CFAP90: variants seen among roughly 807,000 people sequenced by gnomAD.
CFAP90 encodes the protein cilia and flagella associated protein 90, also known as cilia- and flagella-associated protein 90.
At chr5:7,836,732 C>T in the CFAP90 span, among the ~76,000 whole-genome samples, 4 of 152,172 alleles carry the variant, frequency 2.6e-5, no homozygotes, top group African/African-American at 9.7e-5. Flanking sequence ...CTTCCCATGA[C>T]ATGAATGCAG....
chr5:7,850,190 G>A, the CFAP90 span, among the ~76,000 whole-genome samples: 1 of 152,096 alleles, frequency 6.6e-6, no homozygotes, highest in Admixed American at 6.5e-5. Context: ...GTAGTCGCCT[G>A]AGCTGTACTC....
chr5:7,842,115 G>T, the CFAP90 span, among the ~76,000 whole-genome samples: 7 of 151,956 alleles, frequency 4.6e-5, no homozygotes, highest in Non-Finnish European at 8.8e-5. Flanking sequence ...AACACACTTG[G>T]CAAGAAGTAG....
chr5:7,835,311 A>G, the CFAP90 span: 3 of 846,784 alleles, frequency 3.5e-6, no homozygotes, highest in East Asian at 2.4e-5. Context: ...GAAGTGTAAT[A>G]AAACTAGATA....
At chr5:7,842,048 A>T in the CFAP90 span, among the ~76,000 whole-genome samples, 1 of 152,138 alleles carries the variant, frequency 6.6e-6, no homozygotes, top group African/African-American at 2.4e-5. Flanking sequence ...AAGAGAGAAG[A>T]AATTTCTGTT....
chr5:7,831,812 C>T, the CFAP90 span: 1 of 1,576,474 alleles, frequency 6.3e-7, no homozygotes, highest in South Asian at 1.1e-5. Flanking sequence ...TGCCAGGCCA[C>T]AGGGTATCGG....
chr5:7,850,822 A>G, the CFAP90 span: 1 of 999,464 alleles, frequency 1.0e-6, no homozygotes, highest in Non-Finnish European at 1.3e-6. Flanking sequence ...CCAGCCGCCC[A>G]GCCGCCCAGC....
chr5:7,831,981 G>A, the CFAP90 span: 245 of 1,613,944 alleles, frequency 1.5e-4, 2 homozygotes, highest in East Asian at 4.7e-3. Flanking sequence ...TGATTGATGC[G>A]CTTCCCATAG....
the CFAP90 span, chr5:7,831,994 A>G: frequency 6.2e-7 from 1 of 1,612,438 alleles, no homozygotes; most frequent in Non-Finnish European, 8.5e-7. Context: ...TCCCATAGAC[A>G]GAAGACGTCA....
the CFAP90 span, among the ~76,000 whole-genome samples, chr5:7,841,272 G>A: frequency 2.2e-4 from 33 of 152,192 alleles, no homozygotes; most frequent in East Asian, 6.2e-3. Flanking sequence ...TCAAAACCAC[G>A]ATGAGATACC....
chr5:7,832,145 A>G, the CFAP90 span: 1 of 1,000,744 alleles, frequency 1.0e-6, no homozygotes, highest in Non-Finnish European at 1.5e-6. Flanking sequence ...CCACCATGGT[A>G]GACCAAGAGG....
the CFAP90 span, among the ~76,000 whole-genome samples, chr5:7,840,986 T>C: frequency 6.6e-6 from 1 of 152,044 alleles, no homozygotes; most frequent in Admixed American, 6.6e-5. Flanking sequence ...AAGCAAAAAT[T>C]GACATATAGT....
chr5:7,848,999 G>A, the CFAP90 span, among the ~76,000 whole-genome samples: 1 of 152,130 alleles, frequency 6.6e-6, no homozygotes, highest in Admixed American at 6.5e-5. Flanking sequence ...ATACATGCAT[G>A]TCTGTCTCTA....
the CFAP90 span, among the ~76,000 whole-genome samples, chr5:7,849,230 G>A: frequency 1.6e-4 from 24 of 152,344 alleles, no homozygotes; most frequent in African/African-American, 5.5e-4. Context: ...TTCTGTTGGT[G>A]AGGCTGTCCA....
the CFAP90 span, among the ~76,000 whole-genome samples, chr5:7,849,435 A>G: frequency 1.3e-5 from 2 of 152,008 alleles, no homozygotes; most frequent in Non-Finnish European, 2.9e-5. Context: ...ATCCCTCTCT[A>G]CCCACTCAAG....
At chr5:7,839,507 G>A in the CFAP90 span, among the ~76,000 whole-genome samples, 100 of 152,318 alleles carry the variant, frequency 6.6e-4, no homozygotes, top group African/African-American at 2.4e-3. Flanking sequence ...GAATGAGAAT[G>A]CAATTACTGT....
chr5:7,850,954 G>A, the CFAP90 span: 1 of 1,335,902 alleles, frequency 7.5e-7, no homozygotes, highest in African/African-American at 1.5e-5. Context: ...GGACTGCGCC[G>A]AGACGGGCGG....
chr5:7,837,190 G>A, the CFAP90 span, among the ~76,000 whole-genome samples: 1 of 151,928 alleles, frequency 6.6e-6, no homozygotes, highest in East Asian at 1.9e-4. Context: ...GCCATTATCT[G>A]TATTATCTCC....
At chr5:7,831,831 TG>T in the CFAP90 span, 1 of 1,600,126 alleles carries the variant, frequency 6.2e-7, no homozygotes, top group East Asian at 2.2e-5. Context: ...GGACATGCCC[TG>T]TGGGCCACGG....
At chr5:7,831,951 G>A in the CFAP90 span, 54 of 1,614,018 alleles carry the variant, frequency 3.3e-5, no homozygotes, top group South Asian at 2.1e-4. Context: ...CCAAAGTCCC[G>A]GTTTAGGGGC....
Sources: gnomAD v4.1 joint callset for allele counts (sites outside exome capture counted in the v4.1 genomes callset) on GRCh38, gnomAD v4.1.1 for gene constraint, MANE v1.5 for transcripts, NCBI Gene and HGNC (gene_info 2026-07-23, HGNC 2026-07-21) for gene names.